The following RNF217 variants were observed in gnomAD, a reference collection of about 807,000 sequenced individuals.
RNF217 encodes E3 ubiquitin-protein ligase RNF217.
In RNF217, 31 loss-of-function variants were observed where a neutral mutation model predicts 57.8. The observed-to-expected ratio is 0.54, with a 90% CI of 0.40 to 0.72. The LOEUF (loss-of-function observed/expected upper bound fraction) is 0.72. Ranked by LOEUF, RNF217 falls within the 30% of genes least tolerant of loss-of-function variation. The pLI is 0.00. For missense variants in RNF217, 696 were observed against 708.3 expected, an observed-to-expected ratio of 0.98 and a Z score of 0.20; for synonymous variants, 313 against 294.0, an observed-to-expected ratio of 1.06 and a Z score of -0.66.
In RNF217 at chr6:125,067,632, G is replaced by A. The variant is rs189010642; in HGVS notation, c.1282-9025G>A. Among the ~76,000 whole-genome samples the A allele has an allele frequency of 4.2e-4, 64 of 152,226 alleles. No homozygotes were observed. In the Middle Eastern group the frequency reaches 0.01, roughly 24 times the overall value. On this transcript the variant is annotated intron_variant, in intron 3 of 5. Coordinates refer to ENST00000521654, the MANE Select transcript of RNF217 (RefSeq NM_001286398.3). Reference sequence around the variant, plus strand: ...ACAGAGTTAGAGTTATTTATTTTTTGTTGCAGTGGTGAGCCATGAAATGAT... The same window carrying A: ...ACAGAGTTAGAGTTATTTATTTTTTATTGCAGTGGTGAGCCATGAAATGAT...
Position 125,090,918 on chromosome 6 carries a change from T to C in RNF217, c.*7981T>C, listed in dbSNP as rs1229583118. 2.0e-5 allele frequency: 3 copies of C among 152,052 alleles called. No individual in the cohort carries two copies. Among genetic ancestry groups the C allele is most frequent in the Non-Finnish European group, 4.4e-5 (3 of 67,916 alleles). 9.4% of individuals were successfully genotyped at this position (152,052 alleles called of 1,614,324 possible). Reference sequence around the variant, plus strand: ...TATGTGGAAGAAATCATTCTGATTATATTTTATGAAAGAGAGGGGTAGAGT... The same window carrying C: ...TATGTGGAAGAAATCATTCTGATTACATTTTATGAAAGAGAGGGGTAGAGT... On this transcript the variant is annotated 3_prime_UTR_variant, in exon 6 of 6. Transcript: ENST00000521654.
intron 1 of RNF217, among the ~76,000 whole-genome samples, chr6:124,990,461 G>A (rs576450942): frequency 6.6e-6 from 1 of 152,206 alleles, no homozygotes; most frequent in East Asian, 1.9e-4. Context: ...CAAAAACTCA[G>A]TTCTTTTATA....
At chr6:125,043,267 C>T (rs1171376615) in intron 1 of RNF217, among the ~76,000 whole-genome samples, 1 of 151,986 alleles carries the variant, frequency 6.6e-6, no homozygotes, top group African/African-American at 2.4e-5. Flanking sequence ...CTCTTTCCTC[C>T]AGGCCTTTGC....
chr6:125,002,390 C>T (rs1240136976), intron 1 of RNF217, among the ~76,000 whole-genome samples: 1 of 152,150 alleles, frequency 6.6e-6, no homozygotes, highest in Non-Finnish European at 1.5e-5. Context: ...TTAATTACTG[C>T]CCTACTTCTG....
chr6:125,082,570 A>G, intron 5 of RNF217: 1 of 1,609,636 alleles, frequency 6.2e-7, no homozygotes, highest in Admixed American at 1.7e-5. Context: ...AAGTGTGAGT[A>G]TCATAGTGTG....
At chr6:125,053,580 A>G (rs1175758828) in intron 2 of RNF217, among the ~76,000 whole-genome samples, 2 of 152,102 alleles carry the variant, frequency 1.3e-5, no homozygotes. Context: ...AGGCAGGAAA[A>G]TAATGATCTG....
chr6:125,058,236 T>C, intron 3 of RNF217, 130 bp downstream of exon 3: 1 of 744,190 alleles, frequency 1.3e-6, no homozygotes, highest in Non-Finnish European at 1.9e-6. Flanking sequence ...GCTCTTTTAT[T>C]TTGGAAAAGT....
chr6:124,980,216 T>C (rs975119232), intron 1 of RNF217, among the ~76,000 whole-genome samples: 2 of 152,230 alleles, frequency 1.3e-5, no homozygotes, highest in African/African-American at 4.8e-5. Context: ...AAGATGTCCA[T>C]AATTATTTCA....
At chr6:125,022,628 A>T (rs1306836143) in intron 1 of RNF217, among the ~76,000 whole-genome samples, 2 of 152,124 alleles carry the variant, frequency 1.3e-5, no homozygotes, top group Non-Finnish European at 2.9e-5. Context: ...AAGACTGAAC[A>T]TTTTTATCTT....
chr6:124,971,383 A>G (rs1181758241), intron 1 of RNF217: 2 of 233,796 alleles, frequency 8.6e-6, no homozygotes, highest in East Asian at 1.6e-4. Context: ...AGCCTCATCT[A>G]CTTGTAAGGA....
intron 1 of RNF217, among the ~76,000 whole-genome samples, chr6:124,986,354 G>A (rs1021494278): frequency 3.3e-5 from 5 of 152,146 alleles, no homozygotes; most frequent in African/African-American, 9.7e-5. Flanking sequence ...GAAAGGGAGG[G>A]CAACCATCAG....
intron 1 of RNF217, among the ~76,000 whole-genome samples, chr6:125,042,856 G>A (rs1258748169): frequency 6.6e-6 from 1 of 151,998 alleles, no homozygotes; most frequent in Non-Finnish European, 1.5e-5. Context: ...ACTCATAGGT[G>A]AAGAAGGCTG....
At chr6:125,001,972 A>C (rs1324058172) in intron 1 of RNF217, among the ~76,000 whole-genome samples, 1 of 152,156 alleles carries the variant, frequency 6.6e-6, no homozygotes, top group Non-Finnish European at 1.5e-5. Flanking sequence ...TACTAAAATA[A>C]TTTCTCCACG....
intron 1 of RNF217, among the ~76,000 whole-genome samples, chr6:124,985,141 T>C (rs574649400): frequency 5.3e-4 from 81 of 152,254 alleles, no homozygotes; most frequent in Admixed American, 1.3e-3. Flanking sequence ...AAGTGCAAGA[T>C]CCAAAAGTCT....
intron 1 of RNF217, among the ~76,000 whole-genome samples, chr6:125,038,412 C>A (rs1202019672): frequency 6.6e-6 from 1 of 151,980 alleles, no homozygotes; most frequent in Non-Finnish European, 1.5e-5. Context: ...AATTTTTTAG[C>A]CCCATACTGA....
At chr6:125,010,634 A>G (rs1388650827) in intron 1 of RNF217, among the ~76,000 whole-genome samples, 1 of 152,264 alleles carries the variant, frequency 6.6e-6, no homozygotes, top group Non-Finnish European at 1.5e-5. Flanking sequence ...TGTGTTAAAA[A>G]AATAGATCTT....
chr6:125,034,286 A>C (rs1458826421), intron 1 of RNF217, among the ~76,000 whole-genome samples: 2 of 152,152 alleles, frequency 1.3e-5, no homozygotes, highest in Admixed American at 1.3e-4. Context: ...TATGTCCTGA[A>C]TGGTAATGCC....
chr6:124,994,836 C>T (rs536718052), intron 1 of RNF217, among the ~76,000 whole-genome samples: 4 of 152,130 alleles, frequency 2.6e-5, no homozygotes, highest in Admixed American at 6.5e-5. Flanking sequence ...AATTTTATAG[C>T]TCCGTGGCTG....
Position 124,980,516 on chromosome 6 carries a change from G to T in RNF217, c.882+17090G>T, listed in dbSNP as rs189167771. ...TTTGGATAAGTCATTTGCTTCCCCA[G>T]TTAATTCCTATTTAATTACACATAT... On this transcript the variant is annotated intron_variant, in intron 1 of 5. Coordinates refer to ENST00000521654, the MANE Select transcript of RNF217 (RefSeq NM_001286398.3). 1.0e-3 allele frequency among the ~76,000 whole-genome samples: 157 copies of T among 152,170 alleles called. 1 individual carries two copies. Among genetic ancestry groups the T allele is most frequent in the Admixed American group, 7.3e-3 (111 of 15,298 alleles).
Sources: allele counts gnomAD v4.1 joint callset (sites outside exome capture counted in the v4.1 genomes callset), GRCh38; gene constraint gnomAD v4.1.1; transcripts MANE v1.5; gene names NCBI Gene and HGNC (gene_info 2026-07-23, HGNC 2026-07-21).